The following HAO2 variants were observed in gnomAD, a reference collection of about 807,000 sequenced individuals.
HAO2 encodes the protein 2-Hydroxyacid oxidase 2.
Under a neutral mutation model 37.4 loss-of-function variants are expected in HAO2, and 42 were observed. That is an observed-to-expected ratio of 1.12 (90% CI 0.88 to 1.45). HAO2 has a LOEUF of 1.45. HAO2 is among the 40% of genes most tolerant of loss of function. The pLI is 0.00. For synonymous variants in HAO2, 180 were observed against 162.8 expected, an observed-to-expected ratio of 1.11 and a Z score of -0.81; for missense variants, 476 against 430.2, an observed-to-expected ratio of 1.11 and a Z score of -0.94.
intron 1 of HAO2, among the ~76,000 whole-genome samples, chr1:119,371,364 A>C (rs918164426): frequency 6.6e-6 from 1 of 152,228 alleles, no homozygotes; most frequent in African/African-American, 2.4e-5. Context: ...CGTATAGAAG[A>C]GTGCTCTGTA....
intron 1 of HAO2, chr1:119,380,642 C>G (rs1387024149): frequency 1.4e-6 from 2 of 1,409,834 alleles, no homozygotes; most frequent in Non-Finnish European, 2.0e-6. Context: ...CATTGAAAGA[C>G]AAGAGGCAGG....
intron 1 of HAO2, among the ~76,000 whole-genome samples, chr1:119,375,486 G>A (rs76750344): frequency 0.038 from 5,846 of 152,048 alleles, 354 homozygotes; most frequent in African/African-American, 0.13. Flanking sequence ...AGTTCAATAT[G>A]GCAAGTCATT....
chr1:119,384,819 CAGCTGT>C lies in HAO2; in HGVS notation c.331_336del (p.Cys111_Ser112del), dbSNP rs757675478. ...TCTGCTACATCACCAGCACATTTGC[CAGCTGT>C]AGCCTTGAAGACATTGTCATTGCAG... On this transcript the variant is annotated inframe_deletion, in exon 4 of 8. Transcript: ENST00000325945. 1.2e-6 allele frequency: 2 copies of C among 1,613,884 alleles called. No homozygotes were observed. Among genetic ancestry groups the C allele is most frequent in the Non-Finnish European group, 1.7e-6 (2 of 1,179,830 alleles).
rs1222670426 is a variant in HAO2 at position 119,386,631 on chromosome 1, AT to A, written c.572del (p.Ile191AsnfsTer6). On this transcript the variant is annotated frameshift_variant, in exon 5 of 8. Transcript: ENST00000325945. LOFTEE classifies it high-confidence loss of function. ...TTTTTATTTCCTATAGGGAAATGCAATACCTTATTTCCAGATGACTCCTATC... is the reference window on the plus strand; with the variant it reads ...TTTTTATTTCCTATAGGGAAATGCAAACCTTATTTCCAGATGACTCCTATC... ...DLQSPKKGNA[I>X]PYFQMTPIST... 1 of 1,598,638 alleles carries A rather than the reference AT, an allele frequency of 6.3e-7. No homozygotes were observed. The highest frequency in any genetic ancestry group is 1.7e-4 in the Middle Eastern group (1 of 6,032).
chr1:119,389,877 G>C (rs1371555616), intron 5 of HAO2, among the ~76,000 whole-genome samples: 1 of 152,056 alleles, frequency 6.6e-6, no homozygotes, highest in African/African-American at 2.4e-5. Flanking sequence ...CCAATATCTG[G>C]AAGGGTTTTT....
At chr1:119,385,112 T>C (rs1650279276) in intron 4 of HAO2, 59 bp downstream of exon 4, 17 of 1,561,456 alleles carry the variant, frequency 1.1e-5, no homozygotes, top group Non-Finnish European at 1.5e-5. Flanking sequence ...TCCTTCCCTC[T>C]TTTCTCCTTT....
At chr1:119,370,482 C>T (rs1411707063) in intron 1 of HAO2, among the ~76,000 whole-genome samples, 1 of 152,134 alleles carries the variant, frequency 6.6e-6, no homozygotes, top group Non-Finnish European at 1.5e-5. Flanking sequence ...TATTAACAAT[C>T]TAGTCTATAC....
At chr1:119,379,256 A>C (rs987236938) in intron 1 of HAO2, among the ~76,000 whole-genome samples, 6 of 152,180 alleles carry the variant, frequency 3.9e-5, no homozygotes, top group African/African-American at 1.4e-4. Context: ...TGCCTAGCCC[A>C]TACCAAAATT....
intron 5 of HAO2, 47 bp downstream of exon 5, chr1:119,386,878 G>A: frequency 8.6e-7 from 1 of 1,165,278 alleles, no homozygotes; most frequent in Non-Finnish European, 1.3e-6. Context: ...AGTGCTGTGT[G>A]TGTATGTGTG....
At chr1:119,371,009 G>A (rs1648950429) in intron 1 of HAO2, among the ~76,000 whole-genome samples, 1 of 152,198 alleles carries the variant, frequency 6.6e-6, no homozygotes, top group African/African-American at 2.4e-5. Context: ...TTCTATCCTT[G>A]TTGAGCAGAT....
At chr1:119,372,173 C>A (rs146326247) in intron 1 of HAO2, among the ~76,000 whole-genome samples, 1 of 152,126 alleles carries the variant, frequency 6.6e-6, no homozygotes, top group Admixed American at 6.6e-5. Flanking sequence ...TACTGTAAAG[C>A]AATGTTATTG....
chr1:119,391,529 T>C (rs1231205486), intron 5 of HAO2, among the ~76,000 whole-genome samples: 3 of 152,216 alleles, frequency 2.0e-5, no homozygotes, highest in Admixed American at 2.0e-4. Context: ...ACTTTAGTTT[T>C]ACCGTGTTGT....
chr1:119,378,349 C>A (rs949399413), intron 1 of HAO2, among the ~76,000 whole-genome samples: 3 of 152,256 alleles, frequency 2.0e-5, no homozygotes, highest in Admixed American at 2.0e-4. Context: ...CCACCAGGCC[C>A]CTCCCATGAC....
chr1:119,370,390 T>G (rs1485503940), intron 1 of HAO2: 5 of 152,180 alleles, frequency 3.3e-5, no homozygotes, highest in African/African-American at 1.2e-4. Flanking sequence ...ACTCAAATCC[T>G]GAAGCAGCTT....
In HAO2 at chr1:119,385,031, C is replaced by G; in HGVS notation, c.539C>G (p.Thr180Arg). The G allele has an allele frequency of 6.2e-7, 1 of 1,612,582 alleles. No individual in the cohort carries two copies. Among genetic ancestry groups the G allele is most frequent in the Non-Finnish European group, 8.5e-7 (1 of 1,178,816 alleles). Residue 180 changes from threonine to arginine, a missense_variant, in exon 4 of 8, where the codon ACA becomes AGA. By Grantham distance (71) the Thr-to-Arg change is moderately conservative. Coordinates refer to ENST00000325945, the MANE Select transcript of HAO2 (RefSeq NM_016527.4). ...RNQLRRNLTLTDLQSPKKGNA... is the reference protein window; with the variant it reads ...RNQLRRNLTLRDLQSPKKGNA... ...CAGTTGAGGAGGAACTTAACACTAACAGATCTTCAATCACCTAAAAAGGTA... is the reference window on the plus strand; with the variant it reads ...CAGTTGAGGAGGAACTTAACACTAAGAGATCTTCAATCACCTAAAAAGGTA...
chr1:119,371,123 C>A (rs1648964210), intron 1 of HAO2, among the ~76,000 whole-genome samples: 1 of 152,190 alleles, frequency 6.6e-6, no homozygotes. Context: ...ACTCTCTGAC[C>A]ATTCAGAACA....
In HAO2 at chr1:119,371,355, G is replaced by A. The variant is rs150386113; in HGVS notation, c.-9+2453G>A. On this transcript the variant is annotated intron_variant, in intron 1 of 7. Coordinates refer to ENST00000325945, the MANE Select transcript of HAO2 (RefSeq NM_016527.4). Reference sequence around the variant, plus strand: ...TGTTGTAAGCACCAAATGGAATAACGTATAGAAGAGTGCTCTGTAGACTGT... The same window carrying A: ...TGTTGTAAGCACCAAATGGAATAACATATAGAAGAGTGCTCTGTAGACTGT... Among the ~76,000 whole-genome samples the A allele has an allele frequency of 4.6e-4, 70 of 152,288 alleles. 1 individual carries two copies. Among genetic ancestry groups the A allele is most frequent in the African/African-American group, 1.5e-3 (63 of 41,574 alleles).
chr1:119,386,546 A>T, intron 4 of HAO2, 76 bp from the exon 5 acceptor site: 1 of 908,932 alleles, frequency 1.1e-6, no homozygotes, highest in Non-Finnish European at 1.8e-6. Context: ...CAGCTCTCTA[A>T]ATGTGTCTCA....
rs1651005868 is a variant in HAO2, at chr1:119,392,629, T to C, written c.942T>C (p.Gly314=). Residue 314 remains glycine, a synonymous_variant, in exon 7 of 8, where the codon GGT becomes GGC. Coordinates refer to ENST00000325945, the MANE Select transcript of HAO2 (RefSeq NM_016527.4). ...TGCCTCGGGAGCAGGGTGAACATGGTGTTAAGGAAGTTTTGAACATTTTAA... is the reference window on the plus strand; with the variant it reads ...TGCCTCGGGAGCAGGGTGAACATGGCGTTAAGGAAGTTTTGAACATTTTAA... ...LWGLACKGEH[G]VKEVLNILTN... is the part of the protein sequence containing the mutation. 6.2e-7 allele frequency: 1 copy of C among 1,607,214 alleles called. No individual in the cohort carries two copies. The highest frequency in any genetic ancestry group is 1.3e-5 in the African/African-American group (1 of 74,916).
Sources: gnomAD v4.1 joint callset for allele counts (sites outside exome capture counted in the v4.1 genomes callset) on GRCh38, gnomAD v4.1.1 for gene constraint, MANE v1.5 for transcripts, NCBI Gene and HGNC (gene_info 2026-07-23, HGNC 2026-07-21) for gene names.